Variants in C2 observed in about 807,000 individuals in gnomAD.
The protein encoded by C2 is complement C2.
In C2, 64 loss-of-function variants were observed where a neutral mutation model predicts 85.2. The observed-to-expected ratio is 0.75, with a 90% CI of 0.61 to 0.92. The LOEUF (loss-of-function observed/expected upper bound fraction) is 0.92. Ranked by LOEUF, C2 falls within the 40% of genes least tolerant of loss-of-function variation. The pLI is 0.00. For synonymous variants in C2, 311 were observed against 370.8 expected (o/e 0.84, Z 1.85); for missense variants, 820 against 971.6 (o/e 0.84, Z 2.07).
chr6:31,938,843 C>A (rs188535629), intron 8 of C2, among the ~76,000 whole-genome samples: 5 of 152,142 alleles, frequency 3.3e-5, no homozygotes, highest in Non-Finnish European at 5.9e-5. Context: ...AGTAGAGGTG[C>A]GGTTTCTCCA....
At chr6:31,899,941 G>A (rs1767074724), upstream of C2, 5 of 1,586,916 alleles carry the variant, frequency 3.2e-6, no homozygotes, top group South Asian at 3.3e-5. Flanking sequence ...GGATGAGGAC[G>A]TTAATCTCGG....
At position 31,943,143 on chromosome 6, in the gene C2, A is replaced by C. The variant is rs1196316041; in HGVS notation, c.1360+44A>C. On this transcript the variant is annotated intron_variant, in intron 10 of 17. Transcript: ENST00000299367. The surrounding 1 kb of genome is among the most constrained non-coding windows in gnomAD (Gnocchi z 6.4). The stretch of plus-strand genomic sequence containing the variant: ...CCTTGGTGTGGGGAGGATGGTGAGG[A>C]GCCCGCCAGAGGCCCGTGTTGGGAA... The C allele has an allele frequency of 6.2e-7, 1 of 1,612,684 alleles. No individual in the cohort carries two copies. Among genetic ancestry groups the C allele is most frequent in the East Asian group, 2.2e-5 (1 of 44,868 alleles).
At chr6:31,930,115 C>G (rs1468854484) in intron 3 of C2, among the ~76,000 whole-genome samples, 1 of 150,090 alleles carries the variant, frequency 6.7e-6, no homozygotes, top group Non-Finnish European at 1.5e-5. Context: ...GAGTCTAGCT[C>G]TTGTTGCCCA....
At chr6:31,929,040 T>C in intron 3 of C2, 123 bp downstream of exon 3, 1 of 925,060 alleles carries the variant, frequency 1.1e-6, no homozygotes, top group Non-Finnish European at 1.6e-6. Flanking sequence ...GCCATAATAA[T>C]ATTCCTGGAT....
At chr6:31,934,408 G>A (rs749327673) in intron 6 of C2, 109 bp downstream of exon 6, 2 of 1,444,456 alleles carry the variant, frequency 1.4e-6, no homozygotes, top group Admixed American at 3.4e-5. Context: ...CCTCCAAGAA[G>A]TCTTCTCAGA....
At position 31,927,840 on chromosome 6, in the gene C2, AG is replaced by A. The variant is rs1321503442; in HGVS notation, c.46+44del. The A allele has an allele frequency of 6.2e-7, 1 of 1,603,060 alleles. No individual in the cohort carries two copies. The highest frequency in any genetic ancestry group is 8.5e-7 in the Non-Finnish European group (1 of 1,170,124). On this transcript the variant is annotated intron_variant, in intron 1 of 17. Coordinates refer to ENST00000299367, the MANE Select transcript of C2 (RefSeq NM_000063.6). This position sits in a 1 kb window ranked among gnomAD's most constrained non-coding sequence, Gnocchi z 4.7. ...GGGGAACGTCAGGGTCCTGTGTGTG[AG>A]GTTGGTGCTCCCAGCTTGAATTCCC...
At chr6:31,924,813 C>T (rs1183362197), upstream of C2, among the ~76,000 whole-genome samples, 2 of 152,226 alleles carry the variant, frequency 1.3e-5, no homozygotes, top group African/African-American at 4.8e-5. Flanking sequence ...ATATAGCCAT[C>T]AGTCTCTCCT....
chr6:31,907,119 G>A (rs1352001522), intron 1 of C2, among the ~76,000 whole-genome samples: 4 of 149,184 alleles, frequency 2.7e-5, no homozygotes, highest in African/African-American at 1.0e-4. Context: ...CAGCCTGGGT[G>A]ACAAGAGTGA....
At chr6:31,908,414 G>A (rs942562299) in intron 1 of C2, among the ~76,000 whole-genome samples, 5 of 151,706 alleles carry the variant, frequency 3.3e-5, no homozygotes, top group Non-Finnish European at 5.9e-5. Flanking sequence ...CACTTTGGGA[G>A]GCTGAGGTGG....
intron 1 of C2, chr6:31,901,383 T>C: frequency 6.9e-7 from 1 of 1,440,146 alleles, no homozygotes; most frequent in Non-Finnish European, 9.2e-7. Context: ...AAGCCAAGGC[T>C]CCAGGACCCT....
chr6:31,934,511 G>A, intron 6 of C2: 1 of 1,281,248 alleles, frequency 7.8e-7, no homozygotes, highest in East Asian at 2.5e-5. Flanking sequence ...CTGGGGCTGG[G>A]CGACAGCAAA....
intron 1 of C2, among the ~76,000 whole-genome samples, chr6:31,906,153 C>T (rs2151702778): frequency 6.6e-6 from 1 of 152,008 alleles, no homozygotes; most frequent in East Asian, 1.9e-4. Context: ...GATCTGCACT[C>T]AGCTCTGCCC....
chr6:31,910,518 CA>C (rs1768021997), intron 1 of C2, among the ~76,000 whole-genome samples: 1 of 151,766 alleles, frequency 6.6e-6, no homozygotes, highest in Non-Finnish European at 1.5e-5. Context: ...GTTGTAGAGA[CA>C]GGGTTTTGCC....
rs1276212332 is a variant in C2 at position 31,928,027 on chromosome 6, G to A, written c.119G>A (p.Gly40Asp). The A allele has an allele frequency of 6.2e-7, 1 of 1,614,132 alleles. No individual in the cohort carries two copies. The highest frequency in any genetic ancestry group is 8.5e-7 in the Non-Finnish European group (1 of 1,180,018). Residue 40 changes from glycine (G) to aspartate (D), a missense_variant, in exon 2 of 18, where the codon GGC becomes GAC. Gly to Asp is a moderately conservative substitution (Grantham distance 94). Coordinates refer to ENST00000299367, the MANE Select transcript of C2 (RefSeq NM_000063.6). The stretch of plus-strand genomic sequence containing the variant: ...GGTGGCACCTTCACCCTCAGCCATG[G>A]CTGGGCTCCTGGGAGCCTTCTCACC... ...ISGGTFTLSH[G>D]WAPGSLLTYS...
At chr6:31,938,745 C>T (rs572579047) in intron 8 of C2, among the ~76,000 whole-genome samples, 134 of 152,146 alleles carry the variant, frequency 8.8e-4, no homozygotes, top group Middle Eastern at 3.4e-3. Context: ...CCGCAACCTC[C>T]GCCTCCCAGG....
At position 31,936,065 on chromosome 6, in the gene C2, C is replaced by T. The variant is rs201677911; in HGVS notation, c.988+4C>T. On this transcript the variant is annotated splice_donor_region_variant and intron_variant, in intron 7 of 17. Coordinates refer to ENST00000299367, the MANE Select transcript of C2 (RefSeq NM_000063.6). ...CTGGAAAATGCCAACTATAAAGGTA[C>T]GGGTGTCATCACGTGATGGTGATGA... 2.9e-5 allele frequency: 47 copies of T among 1,612,724 alleles called. No individual in the cohort carries two copies. The highest frequency in any genetic ancestry group is 3.4e-5 in the Non-Finnish European group (40 of 1,179,900).
At chr6:31,900,885 C>T, upstream of C2, 1 of 1,613,918 alleles carries the variant, frequency 6.2e-7, no homozygotes, top group Admixed American at 1.7e-5. The surrounding 1 kb of genome is among the most constrained non-coding windows in gnomAD (Gnocchi z 9.7). Flanking sequence ...ACAAGGCTAG[C>T]CTCACTGACC....
chr6:31,932,470 C>T, intron 3 of C2: 1 of 269,132 alleles, frequency 3.7e-6, no homozygotes, highest in Non-Finnish European at 7.5e-6. Context: ...CTCCTCACAT[C>T]CCGGATGGGG....
chr6:31,933,008 C>T (rs181063261), intron 3 of C2, among the ~76,000 whole-genome samples: 3,223 of 152,304 alleles, frequency 0.021, 96 homozygotes, highest in East Asian at 0.12. Flanking sequence ...CGCAGGCACT[C>T]GGCAAGCTGA....
Sources: gnomAD v4.1 joint callset for allele counts (sites outside exome capture counted in the v4.1 genomes callset) on GRCh38, gnomAD v4.1.1 for gene constraint, Gnocchi (gnomAD v3.1) non-coding constraint, MANE v1.5 for transcripts, NCBI Gene and HGNC (gene_info 2026-07-23, HGNC 2026-07-21) for gene names.